Variants in RPUSD3 observed in about 807,000 individuals in gnomAD.
The protein encoded by RPUSD3 is RNA pseudouridine synthase D3.
In RPUSD3, 36 loss-of-function variants were observed where a neutral mutation model predicts 35.1. The ratio of observed to expected loss-of-function variants is 1.02; its 90% CI spans 0.79 to 1.35. The LOEUF is 1.35. Among genes scored for constraint, RPUSD3 ranks in the 40% most tolerant of loss-of-function variants. The pLI is 0.00. For synonymous variants in RPUSD3, 202 were observed against 187.8 expected (o/e 1.08, Z -0.62); for missense variants, 486 against 441.9 (o/e 1.10, Z -0.89).
chr3:9,840,371 C>G (rs753525910), intron 6 of RPUSD3, 64 bp from the exon 7 acceptor site: 13 of 1,613,696 alleles, frequency 8.1e-6, no homozygotes, highest in Non-Finnish European at 1.1e-5. Flanking sequence ...CAGACCCTCC[C>G]TGCTCCCAAT....
chr3:9,840,228 G>T lies in RPUSD3; in HGVS notation c.680C>A (p.Ala227Asp), dbSNP rs539420873. The stretch of plus-strand genomic sequence containing the variant: ...GACCAGGGCACAGCCAGAGCCTGTG[G>T]CTACCACACGAAAGTGACTGAGAGT... The change falls in exon 7 of 9, where the codon GCC becomes GAC. Residue 227 changes from alanine to aspartate, a missense_variant. Ala to Asp is a moderately radical substitution (Grantham distance 126). Transcript: ENST00000383820. The T allele has an allele frequency of 3.7e-6, 6 of 1,614,040 alleles. No homozygotes were observed. In the African/African-American group the frequency reaches 8.0e-5, roughly 22 times the overall value.
chr3:9,840,844 TG>T, intron 4 of RPUSD3, 39 bp from the exon 5 acceptor site: 1 of 1,525,670 alleles, frequency 6.6e-7, no homozygotes, highest in South Asian at 1.2e-5. Flanking sequence ...TAAAGTCCCT[TG>T]AACTCGCCCA....
At chr3:9,842,038 T>C in exon 4 of RPUSD3, 1 of 1,613,448 alleles carries the variant, frequency 6.2e-7, no homozygotes, top group Non-Finnish European at 8.5e-7. Context: ...AGGGACTGGC[T>C]CAGCTCTGGC....
rs752443631 is a variant in RPUSD3, at chr3:9,843,457, C to T, written c.262+8G>A. 5.6e-6 allele frequency: 9 copies of T among 1,613,844 alleles called. No homozygotes were observed. The highest frequency in any genetic ancestry group is 7.6e-6 in the Non-Finnish European group (9 of 1,179,888). On this transcript the variant is annotated splice_region_variant and intron_variant, in intron 2 of 8. Transcript: ENST00000383820. Reference sequence around the variant, plus strand: ...GGTCCTTGTGCGGCCGTGCCTCTCACCCCTCACCTTTCCGGTCCACCACGG... The same window carrying T: ...GGTCCTTGTGCGGCCGTGCCTCTCATCCCTCACCTTTCCGGTCCACCACGG...
At chr3:9,842,465 G>A in intron 2 of RPUSD3, 1 of 599,394 alleles carries the variant, frequency 1.7e-6, no homozygotes, top group Non-Finnish European at 3.0e-6. Flanking sequence ...CCCAGGTCTG[G>A]CTCCCTATCA....
At chr3:9,840,829 C>G in intron 4 of RPUSD3, 24 bp from the exon 5 acceptor site, 1 of 1,589,206 alleles carries the variant, frequency 6.3e-7, no homozygotes, top group Non-Finnish European at 8.6e-7. Flanking sequence ...ACAAATCACA[C>G]AAGTTAAAGT....
exon 2 of RPUSD3, chr3:9,843,566 G>A: frequency 1.2e-6 from 2 of 1,613,752 alleles, no homozygotes; most frequent in Non-Finnish European, 1.7e-6. Context: ...GAGGGGCCCC[G>A]ACCGTTGGCA....
chr3:9,839,290 A>G, intron 7 of RPUSD3, 119 bp from the exon 8 acceptor site: 1 of 1,170,122 alleles, frequency 8.5e-7, no homozygotes, highest in Non-Finnish European at 1.2e-6. Context: ...CATATGTTTC[A>G]GTGAGGTCAG....
exon 9 of RPUSD3, chr3:9,837,894 C>T (rs1178405580): frequency 9.4e-7 from 1 of 1,061,034 alleles, no homozygotes; most frequent in Non-Finnish European, 1.3e-6. Context: ...GGTAAAGTTA[C>T]TTGCCCAATG....
At chr3:9,840,706 G>A (rs199694848) in exon 5 of RPUSD3, 55 of 1,614,108 alleles carry the variant, frequency 3.4e-5, no homozygotes, top group Admixed American at 2.0e-4. Flanking sequence ...ACCAGTAGGT[G>A]GCTGTGGGCC....
intron 2 of RPUSD3, 98 bp from the exon 3 acceptor site, chr3:9,842,341 T>TG (rs2082116814): frequency 8.6e-7 from 1 of 1,161,586 alleles, no homozygotes; most frequent in Non-Finnish European, 1.3e-6. Context: ...TCTTAGCACA[T>TG]GTCCCCATCA....
At chr3:9,843,946 C>T (rs754488908) in exon 1 of RPUSD3, 2 of 1,603,896 alleles carry the variant, frequency 1.2e-6, no homozygotes, top group East Asian at 4.5e-5. Context: ...CCAGGCCCCG[C>T]CGCCAGCCAC....
At position 9,843,610 on chromosome 3, in the gene RPUSD3, G is replaced by A. The variant is rs750595731; in HGVS notation, c.126-9C>T. On this transcript the variant is annotated splice_polypyrimidine_tract_variant and intron_variant, in intron 1 of 8. Transcript: ENST00000383820. Reference sequence around the variant, plus strand: ...GGGGTTGCCTCTGATGCCTGGACAAGGAGGGAGAAGCAATGGGAGTCATTC... The same window carrying A: ...GGGGTTGCCTCTGATGCCTGGACAAAGAGGGAGAAGCAATGGGAGTCATTC... 3.7e-6 allele frequency: 6 copies of A among 1,613,256 alleles called. No homozygotes were observed. In the African/African-American group the frequency reaches 8.0e-5, roughly 22 times the overall value.
Position 9,843,798 on chromosome 3 carries a change from T to C in RPUSD3, c.125+92A>G, listed in dbSNP as rs1575433515. 1.9e-6 allele frequency: 3 copies of C among 1,550,556 alleles called. No individual in the cohort carries two copies. In the East Asian group the frequency reaches 7.3e-5, roughly 38 times the overall value. Reference sequence around the variant, plus strand: ...AGGCTCAGAGAGGCCAACGGGGCTGTTTTCGGGTAACATCTACCTGATCCA... The same window carrying C: ...AGGCTCAGAGAGGCCAACGGGGCTGCTTTCGGGTAACATCTACCTGATCCA... On this transcript the variant is annotated intron_variant, in intron 1 of 8. Transcript: ENST00000383820.
chr3:9,840,197 C>A, exon 7 of RPUSD3: 1 of 1,612,754 alleles, frequency 6.2e-7, no homozygotes, highest in African/African-American at 1.3e-5. Context: ...TCAGTGGCTG[C>A]AGCTGGACCA....
intron 1 of RPUSD3, 40 bp from the exon 2 acceptor site, chr3:9,843,641 C>G (rs753049785): frequency 5.6e-6 from 9 of 1,606,976 alleles, no homozygotes; most frequent in South Asian, 1.1e-5. Context: ...CATTCCATCC[C>G]GAGGTGCCAC....
chr3:9,840,232 C>T, exon 7 of RPUSD3: 2 of 1,614,016 alleles, frequency 1.2e-6, no homozygotes, highest in Non-Finnish European at 1.7e-6. Context: ...CCTGTGGCTA[C>T]CACACGAAAG....
intron 6 of RPUSD3, 46 bp downstream of exon 6, chr3:9,840,486 G>A (rs2082086919): frequency 1.9e-6 from 3 of 1,600,648 alleles, no homozygotes; most frequent in South Asian, 1.1e-5. Context: ...CTCTGTAGGG[G>A]TACTATATCT....
At position 9,841,274 on chromosome 3, in the gene RPUSD3, A is replaced by G. The variant is rs576059082; in HGVS notation, c.408-469T>C. Reference sequence around the variant, plus strand: ...ACTGAGCATAGGTATTATTTTCTCTATTTTACCATTAGGGGAACTGAAGCT... The same window carrying G: ...ACTGAGCATAGGTATTATTTTCTCTGTTTTACCATTAGGGGAACTGAAGCT... On this transcript the variant is annotated intron_variant, in intron 4 of 8. Coordinates refer to ENST00000383820, the Ensembl canonical transcript of RPUSD3. 1.2e-4 allele frequency: 19 copies of G among 153,822 alleles called. 1 individual carries two copies. The South Asian group carries it at 3.4e-3, about 28-fold the overall frequency. 9.5% of individuals were successfully genotyped at this position (153,822 alleles called of 1,614,324 possible).
Sources: gnomAD v4.1 joint callset for allele counts on GRCh38, gnomAD v4.1.1 for gene constraint, MANE v1.5 for transcripts, NCBI Gene and HGNC (gene_info 2026-07-23, HGNC 2026-07-21) for gene names.